The following MYO16 variants were observed in gnomAD, a reference collection of about 807,000 sequenced individuals.
MYO16 encodes the protein myosin XVI.
Under a neutral mutation model 205.3 loss-of-function variants are expected in MYO16, and 94 were observed. The observed-to-expected ratio is 0.46, with a 90% CI of 0.39 to 0.54. The LOEUF is 0.54. MYO16 is among the 20% of genes least tolerant of loss of function. The probability of loss-of-function intolerance (pLI) is 0.00; values close to 1 mark genes in which losing one functional copy is unlikely to be tolerated. For synonymous variants in MYO16, 988 were observed against 954.0 expected (o/e 1.04, Z -0.66); for missense variants, 2,315 against 2,387.5 (o/e 0.97, Z 0.63).
intron 23 of MYO16, among the ~76,000 whole-genome samples, chr13:109,040,923 T>C (rs1230107031): frequency 6.6e-5 from 10 of 152,244 alleles, no homozygotes; most frequent in African/African-American, 2.4e-4. Flanking sequence ...AATAAACCTG[T>C]GCTTATTTAA....
intron 6 of MYO16, among the ~76,000 whole-genome samples, chr13:108,803,220 G>T (rs900514372): frequency 6.6e-6 from 1 of 152,146 alleles, no homozygotes; most frequent in Non-Finnish European, 1.5e-5. Flanking sequence ...GTGGACATTT[G>T]CTCTGTGCTG....
intron 31 of MYO16, among the ~76,000 whole-genome samples, chr13:109,135,294 G>A (rs1876722117): frequency 6.6e-6 from 1 of 152,230 alleles, no homozygotes; most frequent in African/African-American, 2.4e-5. Flanking sequence ...ATGAACAAGA[G>A]CTGGATGCAT....
At chr13:109,112,744 C>CA (rs916874525) in intron 28 of MYO16, among the ~76,000 whole-genome samples, 53 of 148,446 alleles carry the variant, frequency 3.6e-4, no homozygotes, top group Admixed American at 6.7e-4. Context: ...GAAACTCTGC[C>CA]AAAAAAAAAA....
chr13:109,172,984 G>A (rs565478275), intron 33 of MYO16, among the ~76,000 whole-genome samples: 1 of 152,182 alleles, frequency 6.6e-6, no homozygotes, highest in Admixed American at 6.5e-5. Context: ...GGTATTCAGG[G>A]CAAAGACAGA....
chr13:108,581,965 A>T, the MYO16 span, among the ~76,000 whole-genome samples: 1 of 151,546 alleles, frequency 6.6e-6, no homozygotes, highest in Non-Finnish European at 1.5e-5. Flanking sequence ...AACAATTTGG[A>T]TTTTTACAGC....
At chr13:108,839,829 G>A (rs1331358160) in intron 9 of MYO16, among the ~76,000 whole-genome samples, 1 of 152,080 alleles carries the variant, frequency 6.6e-6, no homozygotes, top group East Asian at 1.9e-4. Context: ...CTCTCCTCCA[G>A]GGAACTCTTG....
intron 17 of MYO16, among the ~76,000 whole-genome samples, chr13:108,959,129 CCA>C (rs1218577875): frequency 6.6e-6 from 1 of 152,038 alleles, no homozygotes; most frequent in Non-Finnish European, 1.5e-5. Flanking sequence ...CTTGCTGCAC[CCA>C]CCCTTGCTGT....
At chr13:109,197,408 T>C (rs1880206530) in intron 34 of MYO16, among the ~76,000 whole-genome samples, 1 of 152,190 alleles carries the variant, frequency 6.6e-6, no homozygotes, top group Non-Finnish European at 1.5e-5. Context: ...CCAAGGTTTT[T>C]TTTTAAATGG....
chr13:108,685,784 G>A (rs1882653955), intron 2 of MYO16, among the ~76,000 whole-genome samples: 1 of 152,158 alleles, frequency 6.6e-6, no homozygotes, highest in Non-Finnish European at 1.5e-5. Context: ...GGTTTCTTCT[G>A]AGACCTGTGT....
In MYO16 at chr13:108,823,256, C is replaced by A. The variant is rs960267857; in HGVS notation, c.1075C>A (p.Leu359Ile). The change falls in exon 9 of 35, where the codon CTT (leucine) becomes ATT (isoleucine). Residue 359 changes from leucine (L) to isoleucine (I), a missense_variant. Coordinates refer to ENST00000457511, the MANE Select transcript of MYO16 (RefSeq NM_001198950.3). ...EEPYEEIIHDLPVLSSKLSPL... is the reference protein window; with the variant it reads ...EEPYEEIIHDIPVLSSKLSPL... ...GCCCTATGAAGAGATCATTCACGAT[C>A]TTCCCGTACTGTCGAGTAAGCTGTA... The A allele has an allele frequency of 3.7e-6, 6 of 1,611,378 alleles. No homozygotes were observed. The African/African-American group carries it at 4.0e-5, about 11-fold the overall frequency.
chr13:109,048,877 T>C (rs1319927263), intron 24 of MYO16: 1 of 71,722 alleles, frequency 1.4e-5, no homozygotes, highest in African/African-American at 4.8e-5. Flanking sequence ...GTCAGGGAGC[T>C]TGGAGACAGC....
chr13:108,817,985 T>C (rs951052225), intron 7 of MYO16, among the ~76,000 whole-genome samples: 4 of 152,198 alleles, frequency 2.6e-5, no homozygotes, highest in African/African-American at 9.7e-5. Flanking sequence ...TAATTTTCAC[T>C]TGATGAAAAT....
At chr13:108,660,070 C>G (rs993591864) in intron 1 of MYO16, among the ~76,000 whole-genome samples, 4 of 152,036 alleles carry the variant, frequency 2.6e-5, no homozygotes, top group Non-Finnish European at 4.4e-5. Flanking sequence ...CCACTGCACT[C>G]TAGCCTGGGC....
At chr13:109,185,863 C>T (rs1400116789) in intron 34 of MYO16, among the ~76,000 whole-genome samples, 1 of 152,164 alleles carries the variant, frequency 6.6e-6, no homozygotes, top group African/African-American at 2.4e-5. Flanking sequence ...ATAACCAATG[C>T]TATTCATGCT....
intron 28 of MYO16, among the ~76,000 whole-genome samples, chr13:109,104,102 G>A (rs1889052664): frequency 6.6e-6 from 1 of 152,074 alleles, no homozygotes; most frequent in Non-Finnish European, 1.5e-5. Context: ...AAAATACTAG[G>A]TGCAGTTAAT....
intron 3 of MYO16, among the ~76,000 whole-genome samples, chr13:108,722,928 A>G (rs1174891399): frequency 1.3e-5 from 2 of 152,178 alleles, no homozygotes; most frequent in Non-Finnish European, 2.9e-5. Flanking sequence ...CCTTAGTTCA[A>G]AACCAAAATT....
In MYO16 at chr13:109,127,528, G is replaced by T. The variant is rs371834027; in HGVS notation, c.4029G>T (p.Ala1343=). Reference sequence around the variant, plus strand: ...AGGCTGTGAGCGCCTGCCTCTCCGCGGCCAGGGAAGCGGCCAACGAAGGTC... The same window carrying T: ...AGGCTGTGAGCGCCTGCCTCTCCGCTGCCAGGGAAGCGGCCAACGAAGGTC... ...SYEAVSACLS[A]AREAANEALA... The change falls in exon 31 of 35, where the codon GCG becomes GCT. Residue 1343 remains alanine (A), a synonymous_variant. Transcript: ENST00000457511. The surrounding 1 kb of genome is among the most constrained non-coding windows in gnomAD (Gnocchi z 4.2). 601 of 1,611,628 alleles carry T rather than the reference G, an allele frequency of 3.7e-4. No individual in the cohort carries two copies. The highest frequency in any genetic ancestry group is 4.6e-4 in the Non-Finnish European group (540 of 1,179,818).
intron 23 of MYO16, among the ~76,000 whole-genome samples, chr13:109,040,383 CACAG>C (rs536049350): frequency 9.0e-4 from 63 of 70,068 alleles, no homozygotes; most frequent in South Asian, 8.5e-3. Context: ...CACACACACA[CACAG>C]AGAGAGAGAG....
the MYO16 span, among the ~76,000 whole-genome samples, chr13:108,577,768 G>A: frequency 6.6e-6 from 1 of 152,168 alleles, no homozygotes; most frequent in Non-Finnish European, 1.5e-5. Context: ...AGGTGATCGA[G>A]AAGTCTTTTA....
Sources: gnomAD v4.1 joint callset for allele counts (sites outside exome capture counted in the v4.1 genomes callset) on GRCh38, gnomAD v4.1.1 for gene constraint, Gnocchi (gnomAD v3.1) non-coding constraint, MANE v1.5 for transcripts, NCBI Gene and HGNC (gene_info 2026-07-23, HGNC 2026-07-21) for gene names.